HTR1F: variants seen among roughly 807,000 people sequenced by gnomAD.
The protein encoded by HTR1F is 5-hydroxytryptamine receptor 1F, also known as 5-hydroxytryptamine (serotonin) receptor 1F, G protein-coupled.
HTR1F carries 17 observed loss-of-function variants against 24.0 expected under a neutral mutation model. The observed-to-expected ratio is 0.71, with a 90% CI of 0.48 to 1.06. The LOEUF (loss-of-function observed/expected upper bound fraction) is 1.06. Ranked by LOEUF, HTR1F falls within the 50% of genes least tolerant of loss-of-function variation. HTR1F has a pLI of 0.00. For synonymous variants in HTR1F, 186 were observed against 156.8 expected, an observed-to-expected ratio of 1.19 and a Z score of -1.39; for missense variants, 391 against 427.8, an observed-to-expected ratio of 0.91 and a Z score of 0.76.
chr3:87,901,648 C>T (rs1257651640), intron 2 of HTR1F, among the ~76,000 whole-genome samples: 3 of 151,706 alleles, frequency 2.0e-5, no homozygotes, highest in Admixed American at 6.6e-5. Context: ...ACTGCTTAAG[C>T]GATTATGTGT....
In HTR1F at chr3:87,991,506, G is replaced by A; in HGVS notation, c.757G>A (p.Asp253Asn). ...TSYVLEKSLS[D>N]PSTDFDKIHS... ...CTATGTACTAGAAAAGTCTTTATCTGACCCATCAACAGACTTTGATAAAAT... is the reference window on the plus strand; with the variant it reads ...CTATGTACTAGAAAAGTCTTTATCTAACCCATCAACAGACTTTGATAAAAT... The change falls in exon 3 of 3, where the codon GAC becomes AAC. Residue 253 changes from aspartate to asparagine, a missense_variant. Physicochemically the swap from Asp to Asn is conservative, Grantham distance 23. Coordinates refer to ENST00000319595, the MANE Select transcript of HTR1F (RefSeq NM_001322209.2). 1.2e-6 allele frequency: 2 copies of A among 1,614,020 alleles called. No individual in the cohort carries two copies. The highest frequency in any genetic ancestry group is 1.7e-6 in the Non-Finnish European group (2 of 1,179,972).
At chr3:87,886,208 T>A (rs1360443545) in intron 2 of HTR1F, among the ~76,000 whole-genome samples, 1 of 152,122 alleles carries the variant, frequency 6.6e-6, no homozygotes, top group Non-Finnish European at 1.5e-5. Context: ...ATAAACGTAA[T>A]CCATCACATA....
At chr3:87,898,204 G>A (rs1320122546) in intron 2 of HTR1F, among the ~76,000 whole-genome samples, 2 of 152,156 alleles carry the variant, frequency 1.3e-5, no homozygotes, top group Non-Finnish European at 2.9e-5. Context: ...TGTGATAAGA[G>A]CTCTGAGTAA....
At chr3:87,961,000 GCACACA>G (rs536116656) in intron 2 of HTR1F, among the ~76,000 whole-genome samples, 156 of 144,442 alleles carry the variant, frequency 1.1e-3, no homozygotes, top group African/African-American at 4.0e-3. Context: ...TTGGTATGGT[GCACACA>G]CACACACACA....
At chr3:87,927,869 C>T (rs888267843) in intron 2 of HTR1F, among the ~76,000 whole-genome samples, 1 of 151,926 alleles carries the variant, frequency 6.6e-6, no homozygotes, top group African/African-American at 2.4e-5. Context: ...AATAATTTTA[C>T]GGAGGATGAT....
At chr3:87,888,904 G>T (rs541749805) in intron 2 of HTR1F, among the ~76,000 whole-genome samples, 1 of 152,276 alleles carries the variant, frequency 6.6e-6, no homozygotes, top group Non-Finnish European at 1.5e-5. Flanking sequence ...GCTATAGTTT[G>T]GATGTTTGTC....
rs113058044 is a variant in HTR1F at position 87,948,863 on chromosome 3, T to A, written c.-42-41845T>A. Among the ~76,000 whole-genome samples the A allele has an allele frequency of 6.2e-3, 942 of 152,310 alleles. 12 individuals carry two copies. Among genetic ancestry groups the A allele is most frequent in the African/African-American group, 0.021 (889 of 41,558 alleles). On this transcript the variant is annotated intron_variant, in intron 2 of 2. Transcript: ENST00000319595. Reference sequence around the variant, plus strand: ...TTTTAATGTTATGCCATGTTTGTAGTACCAATAGCCATATTATAGAACCTT... The same window carrying A: ...TTTTAATGTTATGCCATGTTTGTAGAACCAATAGCCATATTATAGAACCTT...
intron 2 of HTR1F, among the ~76,000 whole-genome samples, chr3:87,854,263 T>C (rs1425358481): frequency 6.6e-6 from 1 of 152,034 alleles, no homozygotes; most frequent in Non-Finnish European, 1.5e-5. Flanking sequence ...TTCTCTTTTT[T>C]TATATTTTTG....
At chr3:87,982,158 A>G (rs1364015077) in intron 2 of HTR1F, among the ~76,000 whole-genome samples, 2 of 152,198 alleles carry the variant, frequency 1.3e-5, no homozygotes, top group Non-Finnish European at 2.9e-5. Context: ...CCTGACCTCA[A>G]GTGATCCACC....
chr3:87,952,092 T>G (rs1334026197), intron 2 of HTR1F, among the ~76,000 whole-genome samples: 1 of 151,990 alleles, frequency 6.6e-6, no homozygotes, highest in African/African-American at 2.4e-5. Context: ...TGGTTGAGAT[T>G]TTTTTTCAAA....
intron 2 of HTR1F, among the ~76,000 whole-genome samples, chr3:87,927,779 T>C (rs1704162911): frequency 6.6e-6 from 1 of 152,158 alleles, no homozygotes; most frequent in Admixed American, 6.6e-5. Context: ...TAGTGCTAGT[T>C]ACTGGAGATA....
chr3:87,884,407 A>T (rs1171091855), intron 2 of HTR1F, among the ~76,000 whole-genome samples: 2 of 152,362 alleles, frequency 1.3e-5, no homozygotes, highest in Non-Finnish European at 2.9e-5. Flanking sequence ...GCCAAATTGT[A>T]AAGACCATCA....
At chr3:87,967,841 C>T (rs781482580) in intron 2 of HTR1F, among the ~76,000 whole-genome samples, 10 of 152,108 alleles carry the variant, frequency 6.6e-5, no homozygotes, top group Non-Finnish European at 1.3e-4. Context: ...CGAGAACAGA[C>T]TAATACAGCA....
intron 2 of HTR1F, among the ~76,000 whole-genome samples, chr3:87,901,050 G>A (rs1029146763): frequency 9.9e-5 from 15 of 152,244 alleles, no homozygotes; most frequent in African/African-American, 3.6e-4. Context: ...CAGAAGGAAA[G>A]AGAAAAAGCA....
chr3:87,913,425 G>C (rs1231641725), intron 2 of HTR1F, among the ~76,000 whole-genome samples: 1 of 152,036 alleles, frequency 6.6e-6, no homozygotes, highest in Non-Finnish European at 1.5e-5. Context: ...TTAATAAAAA[G>C]TGAAAAAATA....
chr3:87,840,001 C>G (rs1431095566), intron 2 of HTR1F, among the ~76,000 whole-genome samples: 2 of 152,076 alleles, frequency 1.3e-5, no homozygotes, highest in East Asian at 3.8e-4. Context: ...TTTATCTAAC[C>G]TACCACCGAT....
intron 2 of HTR1F, among the ~76,000 whole-genome samples, chr3:87,863,636 A>T (rs1161461200): frequency 6.6e-6 from 1 of 152,138 alleles, no homozygotes; most frequent in Non-Finnish European, 1.5e-5. Flanking sequence ...ATTTTTACTA[A>T]CAGCCTTTTC....
chr3:87,816,608 A>G (rs1164725603), intron 1 of HTR1F, among the ~76,000 whole-genome samples: 1 of 152,036 alleles, frequency 6.6e-6, no homozygotes, highest in East Asian at 1.9e-4. Flanking sequence ...AGAAATTGCT[A>G]TTTAATTTAC....
At chr3:87,987,386 T>A (rs1705685092) in intron 2 of HTR1F, among the ~76,000 whole-genome samples, 1 of 151,426 alleles carries the variant, frequency 6.6e-6, no homozygotes, top group African/African-American at 2.4e-5. Flanking sequence ...GACTGTGAGG[T>A]TCACTGATAC....
Sources: allele counts gnomAD v4.1 joint callset (sites outside exome capture counted in the v4.1 genomes callset), GRCh38; gene constraint gnomAD v4.1.1; transcripts MANE v1.5; gene names NCBI Gene and HGNC (gene_info 2026-07-23, HGNC 2026-07-21).